Variants in MON1B observed in about 807,000 individuals in gnomAD.
MON1B encodes the protein vacuolar fusion protein MON1 homolog B.
MON1B carries 26 observed loss-of-function variants against 45.1 expected under a neutral mutation model. The observed-to-expected ratio is 0.58, with a 90% CI of 0.42 to 0.80. The LOEUF (loss-of-function observed/expected upper bound fraction) is 0.80, where lower values mean the gene tolerates loss of function less well. Among genes scored for constraint, MON1B ranks in the 30% least tolerant of loss-of-function variants. MON1B has a pLI of 0.00. For missense variants in MON1B, 737 were observed against 754.5 expected, an observed-to-expected ratio of 0.98 and a Z score of 0.27; for synonymous variants, 395 against 320.2, an observed-to-expected ratio of 1.23 and a Z score of -2.49.
At position 77,194,108 on chromosome 16, in the gene MON1B, C is replaced by G. The variant is rs2054639712; in HGVS notation, c.476-227C>G. On this transcript the variant is annotated intron_variant, in intron 3 of 5. Coordinates refer to ENST00000248248, the MANE Select transcript of MON1B (RefSeq NM_014940.4). This position sits in a 1 kb window ranked among gnomAD's most constrained non-coding sequence, Gnocchi z 8.1. ...CCATCTCTACCCGCCTGCCCGTGGT[C>G]TTTGCTGTGTATCTAACCTACTTGT... 6 of 619,254 alleles carry G rather than the reference C, an allele frequency of 9.7e-6. No individual in the cohort carries two copies. The South Asian group carries it at 1.1e-4, about 12-fold the overall frequency. The allele number at this position is 619,254 out of a possible 1,614,324, so 38.4% of individuals were successfully genotyped here. A position where few individuals can be genotyped will look rare whatever the true frequency, so the allele number is the denominator to read the frequency against.
In MON1B at chr16:77,193,884, C is replaced by G; in HGVS notation, c.475+107C>G. On this transcript the variant is annotated intron_variant, in intron 3 of 5. Coordinates refer to ENST00000248248, the MANE Select transcript of MON1B (RefSeq NM_014940.4). The surrounding 1 kb of genome is among the most constrained non-coding windows in gnomAD (Gnocchi z 5.0). ...CTATCCAGCCAGCCAGGGTTGGGTCCATGTGTGTGGATGGTCAGCCAGAGC... is the reference window on the plus strand; with the variant it reads ...CTATCCAGCCAGCCAGGGTTGGGTCGATGTGTGTGGATGGTCAGCCAGAGC... The G allele has an allele frequency of 8.4e-7, 1 of 1,185,992 alleles. No individual in the cohort carries two copies. Among genetic ancestry groups the G allele is most frequent in the Middle Eastern group, 2.9e-4 (1 of 3,440 alleles). The allele number at this position is 1,185,992 out of a possible 1,614,324, so 73.5% of individuals were successfully genotyped here. A position where few individuals can be genotyped will look rare whatever the true frequency, so the allele number is the denominator to read the frequency against.
In MON1B at chr16:77,198,562, C is replaced by T. The variant is rs1031834817; in HGVS notation, c.*254C>T. On this transcript the variant is annotated 3_prime_UTR_variant, in exon 6 of 6. Coordinates refer to ENST00000248248, the MANE Select transcript of MON1B (RefSeq NM_014940.4). ...GCCTCCCTCTCCCTTCCCTCTGTCTCATCTCCTCCACTTGGATGATGCTCT... is the reference window on the plus strand; with the variant it reads ...GCCTCCCTCTCCCTTCCCTCTGTCTTATCTCCTCCACTTGGATGATGCTCT... 3.8e-6 allele frequency: 2 copies of T among 527,386 alleles called. No individual in the cohort carries two copies. The highest frequency in any genetic ancestry group is 3.3e-5 in the East Asian group (1 of 29,936). 32.7% of individuals were successfully genotyped at this position (527,386 alleles called of 1,614,324 possible).
chr16:77,200,248 G>GTGTATATATATA lies in MON1B; in HGVS notation c.*1941_*1942insGTATATATATAT, dbSNP rs1567422956. The stretch of plus-strand genomic sequence containing the variant: ...TATGTGTGTGTATATATATATATAT[G>GTGTATATATATA]TATATGTGTATATATATATATATGT... On this transcript the variant is annotated 3_prime_UTR_variant, in exon 6 of 6. Transcript: ENST00000248248. 1.1e-5 allele frequency: 1 copy of GTGTATATATATA among 88,990 alleles called. No individual in the cohort carries two copies. Among genetic ancestry groups the GTGTATATATATA allele is most frequent in the African/African-American group, 5.2e-5 (1 of 19,314 alleles). The allele number at this position is 88,990 out of a possible 1,614,324, so 5.5% of individuals were successfully genotyped here. A position where few individuals can be genotyped will look rare whatever the true frequency, so the allele number is the denominator to read the frequency against.
Position 77,193,934 on chromosome 16 carries a change from G to A in MON1B, c.475+157G>A, listed in dbSNP as rs3743760. On this transcript the variant is annotated intron_variant, in intron 3 of 5. Coordinates refer to ENST00000248248, the MANE Select transcript of MON1B (RefSeq NM_014940.4). This position sits in a 1 kb window ranked among gnomAD's most constrained non-coding sequence, Gnocchi z 5.0. ...CTCTGTCAGTGGCGGGAGGTGGGGG[G>A]GTTCATCTCTGTCTGGCCTGCTGGT... 2.8e-6 allele frequency: 2 copies of A among 720,958 alleles called. No individual in the cohort carries two copies. Among genetic ancestry groups the A allele is most frequent in the Non-Finnish European group, 2.2e-6 (1 of 447,086 alleles). The allele number at this position is 720,958 out of a possible 1,614,324, so 44.7% of individuals were successfully genotyped here.
intron 5 of MON1B, 117 bp from the exon 6 acceptor site, chr16:77,197,991 T>C: frequency 2.0e-6 from 2 of 1,006,554 alleles, no homozygotes; most frequent in African/African-American, 1.6e-5. Context: ...TGGTAGGAGG[T>C]GCTGCCAGGT....
chr16:77,191,723 G>C, intron 2 of MON1B, 90 bp downstream of exon 2: 1 of 1,436,716 alleles, frequency 7.0e-7, no homozygotes, highest in Non-Finnish European at 9.4e-7. Context: ...CCAGTAGGGA[G>C]TCTTGGGACT....
In MON1B at chr16:77,200,270, A is replaced by AC. The variant is rs2054721092; in HGVS notation, c.*1962_*1963insC. 1.1e-5 allele frequency: 1 copy of AC among 95,022 alleles called. No homozygotes were observed. The highest frequency in any genetic ancestry group is 2.5e-5 in the Non-Finnish European group (1 of 40,752). 5.9% of individuals were successfully genotyped at this position (95,022 alleles called of 1,614,324 possible). A position where few individuals can be genotyped will look rare whatever the true frequency, so the allele number is the denominator to read the frequency against. On this transcript the variant is annotated 3_prime_UTR_variant, in exon 6 of 6. Transcript: ENST00000248248. ...TATGTATATGTGTATATATATATAT[A>AC]TGTGTATATATATATATATATACAC...
In MON1B at chr16:77,195,005, C is replaced by A. The variant is rs1292896551; in HGVS notation, c.1146C>A (p.Ala382=). Residue 382 remains alanine, a synonymous_variant, in exon 4 of 6, where the codon GCC becomes GCA. Coordinates refer to ENST00000248248, the MANE Select transcript of MON1B (RefSeq NM_014940.4). ...DGMHALGAMR[A]LGEAASFSNA... The stretch of plus-strand genomic sequence containing the variant: ...TGCATGCCCTTGGTGCCATGCGTGC[C>A]CTTGGGGAGGCTGCCAGCTTCTCTA... The A allele has an allele frequency of 1.2e-6, 2 of 1,613,584 alleles. No individual in the cohort carries two copies. The highest frequency in any genetic ancestry group is 1.7e-6 in the Non-Finnish European group (2 of 1,180,010).
rs2054695981 is a variant in MON1B at position 77,198,844 on chromosome 16, G to T, written c.*536G>T. The T allele has an allele frequency of 6.1e-6, 1 of 165,106 alleles. No individual in the cohort carries two copies. The highest frequency in any genetic ancestry group is 1.3e-5 in the Non-Finnish European group (1 of 74,700). 10.2% of individuals were successfully genotyped at this position (165,106 alleles called of 1,614,324 possible). On this transcript the variant is annotated 3_prime_UTR_variant, in exon 6 of 6. Coordinates refer to ENST00000248248, the MANE Select transcript of MON1B (RefSeq NM_014940.4). The stretch of plus-strand genomic sequence containing the variant: ...CTTGTACTTTTTTCATCTTTACCCT[G>T]CCAGAAATGACCCGCCCTCAATGCT...
At chr16:77,198,017 C>A in intron 5 of MON1B, 91 bp from the exon 6 acceptor site, 1 of 1,298,038 alleles carries the variant, frequency 7.7e-7, no homozygotes, top group Non-Finnish European at 1.1e-6. Flanking sequence ...TTCCAGGTTG[C>A]AGGAGGCAGA....
At chr16:77,192,912 G>C (rs1280843297) in intron 2 of MON1B, among the ~76,000 whole-genome samples, 2 of 152,068 alleles carry the variant, frequency 1.3e-5, no homozygotes, top group African/African-American at 4.8e-5. Flanking sequence ...ACATTACCAA[G>C]AATATAAATG....
rs933871726 is a variant in MON1B, at chr16:77,201,733, C to G, written c.*3425C>G. ...TTTATGTGTGCATGCTGTGGAGTGT[C>G]TCTGTGGTGGATTTCTTTTTAAGAG... On this transcript the variant is annotated 3_prime_UTR_variant, in exon 6 of 6. Coordinates refer to ENST00000248248, the MANE Select transcript of MON1B (RefSeq NM_014940.4). The G allele has an allele frequency of 6.6e-6, 1 of 151,856 alleles. No homozygotes were observed. The highest frequency in any genetic ancestry group is 2.4e-5 in the African/African-American group (1 of 41,304). 9.4% of individuals were successfully genotyped at this position (151,856 alleles called of 1,614,324 possible).
Position 77,198,383 on chromosome 16 carries a change from G to A in MON1B, c.*75G>A. On this transcript the variant is annotated 3_prime_UTR_variant, in exon 6 of 6. Coordinates refer to ENST00000248248, the MANE Select transcript of MON1B (RefSeq NM_014940.4). The stretch of plus-strand genomic sequence containing the variant: ...TTTACCTTCTGTCTACCCTGGAAAT[G>A]TGTGTGGGGGTGTGTCTGTGGCCAG... 1 of 1,453,514 alleles carries A rather than the reference G, an allele frequency of 6.9e-7. No individual in the cohort carries two copies. The highest frequency in any genetic ancestry group is 9.6e-7 in the Non-Finnish European group (1 of 1,042,982). The allele number at this position is 1,453,514 out of a possible 1,614,324, so 90.0% of individuals were successfully genotyped here. A position where few individuals can be genotyped will look rare whatever the true frequency, so the allele number is the denominator to read the frequency against.
In MON1B at chr16:77,195,535, C is replaced by G. The variant is rs1394873849; in HGVS notation, c.1296C>G (p.Ser432Arg). 1.2e-6 allele frequency: 2 copies of G among 1,612,498 alleles called. No individual in the cohort carries two copies. The highest frequency in any genetic ancestry group is 1.1e-5 in the South Asian group (1 of 90,854). ...DHHRQLPQFT[S>R]PELEAPYSRE... is the part of the protein sequence containing the mutation. Reference sequence around the variant, plus strand: ...CCTCCACCTCCCTCCATCATGGCAGCCCTGAGCTAGAGGCCCCCTACAGCA... The same window carrying G: ...CCTCCACCTCCCTCCATCATGGCAGGCCTGAGCTAGAGGCCCCCTACAGCA... Residue 432 changes from serine to arginine, a missense_variant and splice_region_variant, in exon 5 of 6, where the codon AGC becomes AGG. Transcript: ENST00000248248.
chr16:77,191,505 C>A lies in MON1B; in HGVS notation c.20C>A (p.Thr7Asn). ...GTGCAGATGGAGGTCGGAGGAGACA[C>A]TGCTGCCCCGGCCCCCGGGGGCGCG... MEVGGDTAAPAPGGAED... is the reference protein window; with the variant it reads MEVGGDNAAPAPGGAED... The change falls in exon 2 of 6, where the codon ACT (threonine) becomes AAT (asparagine). Residue 7 changes from threonine to asparagine, a missense_variant. By Grantham distance (65) the Thr-to-Asn change is moderately conservative. Coordinates refer to ENST00000248248, the MANE Select transcript of MON1B (RefSeq NM_014940.4). 1.9e-6 allele frequency: 3 copies of A among 1,606,588 alleles called. No homozygotes were observed. The highest frequency in any genetic ancestry group is 2.5e-6 in the Non-Finnish European group (3 of 1,177,808).
rs2054703147 is a variant in MON1B at position 77,199,367 on chromosome 16, C to T, written c.*1059C>T. On this transcript the variant is annotated 3_prime_UTR_variant, in exon 6 of 6. Coordinates refer to ENST00000248248, the MANE Select transcript of MON1B (RefSeq NM_014940.4). Reference sequence around the variant, plus strand: ...GGCGTAACCGCGGGTTGCACGCATGCGTGCTGAAAAGCCTTTCACCCTCAC... The same window carrying T: ...GGCGTAACCGCGGGTTGCACGCATGTGTGCTGAAAAGCCTTTCACCCTCAC... 3 of 1,381,408 alleles carry T rather than the reference C, an allele frequency of 2.2e-6. No homozygotes were observed. Among genetic ancestry groups the T allele is most frequent in the South Asian group, 2.5e-5 (2 of 79,040 alleles). 85.6% of individuals were successfully genotyped at this position (1,381,408 alleles called of 1,614,324 possible). A position where few individuals can be genotyped will look rare whatever the true frequency, so the allele number is the denominator to read the frequency against.
In MON1B at chr16:77,201,086, C is replaced by T. The variant is rs1180973040; in HGVS notation, c.*2778C>T. The T allele has an allele frequency of 6.6e-6, 1 of 152,160 alleles. No homozygotes were observed. The highest frequency in any genetic ancestry group is 1.9e-4 in the East Asian group (1 of 5,194). 9.4% of individuals were successfully genotyped at this position (152,160 alleles called of 1,614,324 possible). The stretch of plus-strand genomic sequence containing the variant: ...ACCTAGGATGTGAGCTCCATGAGAA[C>T]AGAGACTGTTTACCTCTCGCTCCCC... On this transcript the variant is annotated 3_prime_UTR_variant, in exon 6 of 6. Transcript: ENST00000248248.
rs906360322 is a variant in MON1B, at chr16:77,200,873, T to G, written c.*2565T>G. The G allele has an allele frequency of 6.6e-6, 1 of 152,156 alleles. No individual in the cohort carries two copies. Among genetic ancestry groups the G allele is most frequent in the Non-Finnish European group, 1.5e-5 (1 of 68,038 alleles). The allele number at this position is 152,156 out of a possible 1,614,324, so 9.4% of individuals were successfully genotyped here. A position where few individuals can be genotyped will look rare whatever the true frequency, so the allele number is the denominator to read the frequency against. The stretch of plus-strand genomic sequence containing the variant: ...AGTGTACCAACGTAGAGAAAATAGC[T>G]TTAAACAAAGCCCATGTGTACCTAT... On this transcript the variant is annotated 3_prime_UTR_variant, in exon 6 of 6. Transcript: ENST00000248248.
chr16:77,198,597 C>T lies in MON1B; in HGVS notation c.*289C>T, dbSNP rs986987070. On this transcript the variant is annotated 3_prime_UTR_variant, in exon 6 of 6. Transcript: ENST00000248248. ...ACTTGGATGATGCTCTAGCCTCTGT[C>T]AGGGACTGTCCCCTCCAAACTTGCT... is the stretch of plus-strand genomic sequence containing the variant. 1.1e-5 allele frequency: 5 copies of T among 449,874 alleles called. No homozygotes were observed. Among genetic ancestry groups the T allele is most frequent in the South Asian group, 2.2e-5 (1 of 44,598 alleles). 27.9% of individuals were successfully genotyped at this position (449,874 alleles called of 1,614,324 possible).
Sources: gnomAD v4.1 joint callset for allele counts (sites outside exome capture counted in the v4.1 genomes callset) on GRCh38, gnomAD v4.1.1 for gene constraint, Gnocchi (gnomAD v3.1) non-coding constraint, MANE v1.5 for transcripts, NCBI Gene and HGNC (gene_info 2026-07-23, HGNC 2026-07-21) for gene names.